Variants in TDRD9 observed in about 807,000 individuals in gnomAD.
TDRD9 encodes the protein ATP-dependent RNA helicase TDRD9.
TDRD9 carries 124 observed loss-of-function variants against 172.6 expected under a neutral mutation model. That is an observed-to-expected ratio of 0.72 (90% CI 0.62 to 0.83). The LOEUF is 0.83. Ranked by LOEUF, TDRD9 falls within the 40% of genes least tolerant of loss-of-function variation. TDRD9 has a pLI of 0.00. For missense variants in TDRD9, 1,479 were observed against 1,714.1 expected (o/e 0.86, Z 2.42); for synonymous variants, 619 against 617.1 (o/e 1.00, Z -0.05).
At chr14:103,981,568 T>C (rs533666632) in intron 7 of TDRD9, among the ~76,000 whole-genome samples, 1 of 152,342 alleles carries the variant, frequency 6.6e-6, no homozygotes, top group Admixed American at 6.5e-5. Context: ...CTTAGCTGTA[T>C]ACAGATGTTC....
intron 29 of TDRD9, 52 bp downstream of exon 29, chr14:104,031,315 TTTATGTGCTA>T (rs2035272871): frequency 6.7e-7 from 1 of 1,490,270 alleles, no homozygotes; most frequent in Admixed American, 2.2e-5. Context: ...TCATTTTACA[TTTATGTGCTA>T]GGAGTTGTAG....
At chr14:103,952,729 CTTTTT>C (rs68192057) in intron 1 of TDRD9, among the ~76,000 whole-genome samples, 3 of 72,320 alleles carry the variant, frequency 4.1e-5, no homozygotes, top group East Asian at 4.4e-4. Flanking sequence ...AATTCTCTCT[CTTTTT>C]TTTTTTTTTT....
At chr14:104,038,438 T>C (rs2035516129) in intron 32 of TDRD9, among the ~76,000 whole-genome samples, 1 of 152,142 alleles carries the variant, frequency 6.6e-6, no homozygotes, top group Non-Finnish European at 1.5e-5. Context: ...GGTGAGGAAC[T>C]ATGTCAGGGT....
chr14:103,999,063 G>A (rs2034163677), intron 13 of TDRD9, among the ~76,000 whole-genome samples: 1 of 152,202 alleles, frequency 6.6e-6, no homozygotes, highest in African/African-American at 2.4e-5. Flanking sequence ...AAAGTGCTGG[G>A]ATTACAGGCG....
chr14:104,035,645 C>T (rs1481605726), intron 32 of TDRD9, among the ~76,000 whole-genome samples: 1 of 152,180 alleles, frequency 6.6e-6, no homozygotes, highest in Non-Finnish European at 1.5e-5. Flanking sequence ...ACAGAGCATT[C>T]TCTGTGGGGA....
chr14:103,954,871 C>T (rs1362909043), intron 1 of TDRD9, among the ~76,000 whole-genome samples: 6 of 152,032 alleles, frequency 3.9e-5, no homozygotes, highest in Admixed American at 2.0e-4. Flanking sequence ...TCAAGTGATC[C>T]GCCCGCCTTG....
intron 34 of TDRD9, among the ~76,000 whole-genome samples, chr14:104,049,066 T>G (rs1463962054): frequency 6.6e-6 from 1 of 152,126 alleles, no homozygotes; most frequent in Non-Finnish European, 1.5e-5. Flanking sequence ...TGCCTTTGGT[T>G]AATTTCCAGA....
chr14:103,995,878 C>A, intron 12 of TDRD9, 71 bp downstream of exon 12: 1 of 1,356,234 alleles, frequency 7.4e-7, no homozygotes, highest in South Asian at 1.4e-5. Context: ...TCACCTCACT[C>A]AGGAATTGTT....
At chr14:104,010,114 T>G (rs186746346) in intron 20 of TDRD9, among the ~76,000 whole-genome samples, 86 of 151,980 alleles carry the variant, frequency 5.7e-4, no homozygotes, top group African/African-American at 2.0e-3. Context: ...CTTGGCTACT[T>G]TTTTGTATTT....
chr14:103,933,608 A>G (rs1001276964), intron 1 of TDRD9, among the ~76,000 whole-genome samples: 2 of 152,118 alleles, frequency 1.3e-5, no homozygotes, highest in African/African-American at 2.4e-5. Flanking sequence ...GGGTTTTGCC[A>G]TGTTGCCCAG....
At chr14:103,963,670 A>C (rs946255515) in intron 3 of TDRD9, among the ~76,000 whole-genome samples, 6 of 152,236 alleles carry the variant, frequency 3.9e-5, no homozygotes, top group Non-Finnish European at 5.9e-5. Context: ...CAGTAGGACG[A>C]TTAAGTTCCT....
intron 2 of TDRD9, 78 bp downstream of exon 2, chr14:103,955,848 G>T: frequency 8.1e-7 from 1 of 1,230,270 alleles, no homozygotes; most frequent in Non-Finnish European, 1.1e-6. Context: ...CATAGTGCAT[G>T]CCTGTAATTC....
At chr14:104,027,938 G>T (rs1225677942) in intron 28 of TDRD9, among the ~76,000 whole-genome samples, 1 of 151,906 alleles carries the variant, frequency 6.6e-6, no homozygotes, top group Admixed American at 6.6e-5. Context: ...TCATAAATGA[G>T]AACATGTCAT....
intron 35 of TDRD9, among the ~76,000 whole-genome samples, chr14:104,051,114 C>T (rs1177749486): frequency 1.3e-5 from 2 of 152,118 alleles, no homozygotes; most frequent in Non-Finnish European, 2.9e-5. Context: ...CAATCCTTGC[C>T]TCCCTCCCCC....
chr14:104,024,482 A>G, intron 24 of TDRD9, 87 bp from the exon 25 acceptor site: 1 of 666,530 alleles, frequency 1.5e-6, no homozygotes, highest in Non-Finnish European at 2.6e-6. Flanking sequence ...GAAATATTAG[A>G]ATAGTTCAAG....
chr14:104,032,059 C>CAT lies in TDRD9; in HGVS notation c.3483_3484dup (p.Ser1162IlefsTer3), dbSNP rs2152252501. 1 of 1,547,964 alleles carries CAT rather than the reference C, an allele frequency of 6.5e-7. No individual in the cohort carries two copies. Among genetic ancestry groups the CAT allele is most frequent in the Non-Finnish European group, 8.7e-7 (1 of 1,146,070 alleles). ...TTTTAACCCTTATGAACTAAAGTGCCATAGTTTGACCAGAATATCCAAATT... is the reference window on the plus strand; with the variant it reads ...TTTTAACCCTTATGAACTAAAGTGCCATATAGTTTGACCAGAATATCCAAATT... On this transcript the variant is annotated frameshift_variant, in exon 30 of 36. Transcript: ENST00000409874. LOFTEE classifies it high-confidence loss of function.
At chr14:103,988,423 C>T (rs1029495088) in intron 8 of TDRD9, among the ~76,000 whole-genome samples, 10 of 152,244 alleles carry the variant, frequency 6.6e-5, no homozygotes, top group East Asian at 5.8e-4. Context: ...GCGCCCGCCT[C>T]GGCCTCCCAA....
intron 1 of TDRD9, among the ~76,000 whole-genome samples, chr14:103,954,447 G>A (rs1424770240): frequency 6.6e-6 from 1 of 152,136 alleles, no homozygotes; most frequent in Non-Finnish European, 1.5e-5. Context: ...TATATCTTTA[G>A]TGTTGGAGAC....
At position 104,014,430 on chromosome 14, in the gene TDRD9, C is replaced by T. The variant is rs555315191; in HGVS notation, c.2107-295C>T. Among the ~76,000 whole-genome samples the T allele has an allele frequency of 2.0e-5, 3 of 151,876 alleles. No homozygotes were observed. In the South Asian group the frequency reaches 6.2e-4, roughly 32 times the overall value. On this transcript the variant is annotated intron_variant, in intron 20 of 35. Coordinates refer to ENST00000409874, the MANE Select transcript of TDRD9 (RefSeq NM_153046.3). ...AAGTAGCTGGGACTACAGGTCTGCG[C>T]CACCACGCCCAGCTAACTTTGTATT... is the stretch of plus-strand genomic sequence containing the variant.
Sources: gnomAD v4.1 joint callset for allele counts (sites outside exome capture counted in the v4.1 genomes callset) on GRCh38, gnomAD v4.1.1 for gene constraint, MANE v1.5 for transcripts, NCBI Gene and HGNC (gene_info 2026-07-23, HGNC 2026-07-21) for gene names.